CDKAL1: variants seen among roughly 807,000 people sequenced by gnomAD.
CDKAL1 encodes CDKAL1 threonylcarbamoyladenosine tRNA methylthiotransferase, also known as threonylcarbamoyladenosine tRNA methylthiotransferase.
A neutral mutation model predicts 68.2 loss-of-function variants in CDKAL1; 32 were observed. The observed-to-expected ratio is 0.47, with a 90% confidence interval of 0.35 to 0.63. The LOEUF is 0.63. Ranked by LOEUF, CDKAL1 falls within the 30% of genes least tolerant of loss-of-function variation. CDKAL1 has a pLI of 0.00. For missense variants in CDKAL1, 606 were observed against 696.7 expected, an observed-to-expected ratio of 0.87 and a Z score of 1.47; for synonymous variants, 234 against 244.3, an observed-to-expected ratio of 0.96 and a Z score of 0.39.
intron 11 of CDKAL1, among the ~76,000 whole-genome samples, chr6:21,003,827 C>T (rs1474923126): frequency 1.3e-5 from 2 of 152,146 alleles, no homozygotes; most frequent in Non-Finnish European, 2.9e-5. Context: ...TCATGTTGCC[C>T]TGATTTGTGC....
chr6:20,980,234 T>TATATAG (rs1554151313), intron 10 of CDKAL1, among the ~76,000 whole-genome samples: 1 of 122,234 alleles, frequency 8.2e-6, no homozygotes, highest in South Asian at 2.4e-4. Context: ...TAGATATAGA[T>TATATAG]ATATAGATAT....
intron 10 of CDKAL1, among the ~76,000 whole-genome samples, chr6:20,967,628 T>C (rs1765383895): frequency 6.6e-6 from 1 of 152,210 alleles, no homozygotes; most frequent in African/African-American, 2.4e-5. Context: ...TTAAATCAGA[T>C]AATATAAAAA....
rs115640939 is a variant in CDKAL1 at position 20,716,696 on chromosome 6, G to A, written c.372-22823G>A. Among the ~76,000 whole-genome samples the A allele has an allele frequency of 2.5e-3, 384 of 151,850 alleles. 1 individual carries two copies. Among genetic ancestry groups the A allele is most frequent in the Middle Eastern group, 6.8e-3 (2 of 294 alleles). ...TTTGTTTGGGGTGGGATGGGTGTGG[G>A]AATGAGAAGTCAAGAAGAATTTGTT... On this transcript the variant is annotated intron_variant, in intron 5 of 15. Transcript: ENST00000274695.
At chr6:20,579,145 T>G (rs1478673834) in intron 4 of CDKAL1, among the ~76,000 whole-genome samples, 1 of 152,078 alleles carries the variant, frequency 6.6e-6, no homozygotes, top group African/African-American at 2.4e-5. Context: ...GCTTGGCTAA[T>G]TTTTGTATTT....
intron 9 of CDKAL1, among the ~76,000 whole-genome samples, chr6:20,852,367 T>C (rs1248393449): frequency 2.0e-5 from 3 of 152,236 alleles, no homozygotes; most frequent in African/African-American, 7.2e-5. Flanking sequence ...ATTATTTTCA[T>C]GCATTCTTTC....
At chr6:21,037,419 A>G (rs764461057) in intron 11 of CDKAL1, among the ~76,000 whole-genome samples, 3 of 152,210 alleles carry the variant, frequency 2.0e-5, no homozygotes, top group Non-Finnish European at 4.4e-5. Context: ...CATAATATGT[A>G]TTATCACCAT....
intron 15 of CDKAL1, among the ~76,000 whole-genome samples, chr6:21,229,621 CT>C (rs1298853970): frequency 4.6e-5 from 7 of 152,184 alleles, no homozygotes; most frequent in African/African-American, 1.7e-4. Flanking sequence ...TGTGGATTTC[CT>C]GTCCTGTCCT....
chr6:20,943,629 T>C (rs747234702), intron 9 of CDKAL1, among the ~76,000 whole-genome samples: 3 of 151,856 alleles, frequency 2.0e-5, no homozygotes, highest in Non-Finnish European at 2.9e-5. Context: ...GAAGTTCCAC[T>C]AGGTTCTTTT....
Position 20,781,664 on chromosome 6 carries a change from T to A in CDKAL1, c.638+399T>A, listed in dbSNP as rs934119737. ...TACTAACCACGTTTTGATTATTCAC[T>A]ATTTGAAATGCATATTTTAAAATGT... is the stretch of plus-strand genomic sequence containing the variant. On this transcript the variant is annotated intron_variant, in intron 8 of 15. Coordinates refer to ENST00000274695, the MANE Select transcript of CDKAL1 (RefSeq NM_017774.3). Among the ~76,000 whole-genome samples, 4 of 152,358 alleles carry A rather than the reference T, an allele frequency of 2.6e-5. No homozygotes were observed. The South Asian group carries it at 8.3e-4, about 32-fold the overall frequency.
At chr6:20,618,173 A>T (rs1205188602) in intron 4 of CDKAL1, among the ~76,000 whole-genome samples, 1 of 152,116 alleles carries the variant, frequency 6.6e-6, no homozygotes, top group Non-Finnish European at 1.5e-5. Flanking sequence ...GCCAGTGATG[A>T]TGAGCATTTT....
chr6:20,712,505 A>C (rs75185183), intron 5 of CDKAL1, among the ~76,000 whole-genome samples: 5 of 140,610 alleles, frequency 3.6e-5, no homozygotes, highest in African/African-American at 5.5e-5. Context: ...GATGTGTTAG[A>C]AAAAAAAAAA....
chr6:20,985,622 C>T (rs1766410772), intron 10 of CDKAL1, among the ~76,000 whole-genome samples: 1 of 152,072 alleles, frequency 6.6e-6, no homozygotes, highest in Admixed American at 6.5e-5. Flanking sequence ...GACCTAAAGT[C>T]TTAAAATAAC....
intron 11 of CDKAL1, among the ~76,000 whole-genome samples, chr6:21,039,483 C>T (rs1368387574): frequency 2.6e-5 from 4 of 152,068 alleles, no homozygotes; most frequent in Non-Finnish European, 4.4e-5. Context: ...AATGGGCGAG[C>T]CATCATTACC....
intron 4 of CDKAL1, among the ~76,000 whole-genome samples, chr6:20,609,439 A>C (rs1581813786): frequency 7.2e-6 from 1 of 139,086 alleles, no homozygotes; most frequent in East Asian, 2.1e-4. Context: ...TCTGTCACCC[A>C]GGCTAGAATG....
chr6:21,157,294 T>G (rs1443092610), intron 13 of CDKAL1, among the ~76,000 whole-genome samples: 1 of 152,196 alleles, frequency 6.6e-6, no homozygotes, highest in Admixed American at 6.5e-5. Context: ...TAAATGTTAC[T>G]TATTGTTCTC....
At chr6:21,099,182 G>T (rs1019799228) in intron 12 of CDKAL1, among the ~76,000 whole-genome samples, 3 of 152,096 alleles carry the variant, frequency 2.0e-5, no homozygotes, top group Non-Finnish European at 4.4e-5. Context: ...TTTGCAGCCA[G>T]GATTGCAAAC....
At chr6:21,147,845 A>T (rs999076064) in intron 13 of CDKAL1, among the ~76,000 whole-genome samples, 1 of 152,280 alleles carries the variant, frequency 6.6e-6, no homozygotes, top group African/African-American at 2.4e-5. Context: ...TTATTCACAG[A>T]ATGTTATGAT....
intron 4 of CDKAL1, among the ~76,000 whole-genome samples, chr6:20,570,941 T>G (rs1372436007): frequency 6.6e-6 from 1 of 152,208 alleles, no homozygotes; most frequent in African/African-American, 2.4e-5. Context: ...ATTTTTCTAC[T>G]TTTGGTCTCC....
chr6:20,573,094 G>A (rs1042425085), intron 4 of CDKAL1, among the ~76,000 whole-genome samples: 4 of 152,036 alleles, frequency 2.6e-5, no homozygotes, highest in African/African-American at 9.7e-5. Context: ...ATGACATTTA[G>A]CAAGTTCAGG....
Sources: allele counts gnomAD v4.1 joint callset (sites outside exome capture counted in the v4.1 genomes callset), GRCh38; gene constraint gnomAD v4.1.1; transcripts MANE v1.5; gene names NCBI Gene and HGNC (gene_info 2026-07-23, HGNC 2026-07-21).